Variants in MEGF6 observed in about 807,000 individuals in gnomAD.
MEGF6 encodes the protein multiple epidermal growth factor-like domains protein 6.
A neutral mutation model predicts 207.1 loss-of-function variants in MEGF6; 184 were observed. The observed-to-expected ratio is 0.89, with a 90% CI of 0.79 to 1.00. The LOEUF (loss-of-function observed/expected upper bound fraction) is 1.00, where lower values mean the gene tolerates loss of function less well. Ranked by LOEUF, MEGF6 falls within the 50% of genes least tolerant of loss-of-function variation. MEGF6 has a pLI of 0.00. For missense variants in MEGF6, 2,282 were observed against 2,202.9 expected (o/e 1.04, Z -0.72); for synonymous variants, 1,038 against 910.0 (o/e 1.14, Z -2.53).
chr1:3,582,846 C>T (rs993896087), intron 3 of MEGF6, among the ~76,000 whole-genome samples: 1 of 152,192 alleles, frequency 6.6e-6, no homozygotes, highest in Non-Finnish European at 1.5e-5. Flanking sequence ...CCGCTCTTGC[C>T]CCCTCTAGTG....
chr1:3,601,307 T>A (rs888706322), intron 2 of MEGF6, among the ~76,000 whole-genome samples: 1 of 152,226 alleles, frequency 6.6e-6, no homozygotes, highest in Non-Finnish European at 1.5e-5. Context: ...TGCAAACAAA[T>A]TCCCGCAGGG....
chr1:3,492,665 C>T lies in MEGF6; in HGVS notation c.4490G>A (p.Gly1497Asp), dbSNP rs755100915. 6.8e-6 allele frequency: 11 copies of T among 1,612,418 alleles called. No individual in the cohort carries two copies. Among genetic ancestry groups the T allele is most frequent in the Non-Finnish European group, 7.6e-6 (9 of 1,179,676 alleles). ...TTCCCGGCACGTGGGCCCCATGTAG[C>T]CATCCACACAGTGACACTGCCCACT... is the stretch of plus-strand genomic sequence containing the variant. Reference protein sequence around the residue: ...PVSGQCHCVDGYMGPTCREGG... With the variant: ...PVSGQCHCVDDYMGPTCREGG... The change falls in exon 35 of 37, where the codon GGC (glycine) becomes GAC (aspartate). Residue 1497 changes from glycine (G) to aspartate (D), a missense_variant. Coordinates refer to ENST00000356575, the MANE Select transcript of MEGF6 (RefSeq NM_001409.4).
intron 4 of MEGF6, among the ~76,000 whole-genome samples, chr1:3,548,237 G>A (rs531235191): frequency 2.0e-5 from 3 of 152,328 alleles, no homozygotes; most frequent in South Asian, 4.1e-4. Flanking sequence ...GGAACACAGC[G>A]CGGGCCTTTC....
chr1:3,541,930 G>A (rs1003057813), intron 4 of MEGF6, among the ~76,000 whole-genome samples: 45 of 152,278 alleles, frequency 3.0e-4, no homozygotes, highest in Middle Eastern at 3.4e-3. Flanking sequence ...GCCCACCCGC[G>A]TCCCACAGAC....
intron 3 of MEGF6, among the ~76,000 whole-genome samples, chr1:3,593,416 G>A (rs1032292594): frequency 5.3e-5 from 8 of 151,220 alleles, no homozygotes; most frequent in South Asian, 2.1e-4. Context: ...TGCCTTCCCC[G>A]CCCGGGCTCT....
chr1:3,600,089 T>C (rs1326262017), intron 2 of MEGF6, among the ~76,000 whole-genome samples: 2 of 152,102 alleles, frequency 1.3e-5, no homozygotes, highest in Non-Finnish European at 2.9e-5. Flanking sequence ...TGCCCCGGCC[T>C]GGGCTGCAGC....
upstream of MEGF6, among the ~76,000 whole-genome samples, chr1:3,612,545 G>A (rs1354680625): frequency 2.0e-5 from 3 of 152,176 alleles, no homozygotes; most frequent in African/African-American, 4.8e-5. Flanking sequence ...GGGTGAGACC[G>A]GATGGGGGCC....
rs2821040 is a variant in MEGF6, at chr1:3,490,227, A to G, written c.*301T>C. Reference sequence around the variant, plus strand: ...TGGCGCCCACACCTGTCCTCAGTCCAACTCAGAGCCGCGGGGAGAGCGGGA... The same window carrying G: ...TGGCGCCCACACCTGTCCTCAGTCCGACTCAGAGCCGCGGGGAGAGCGGGA... On this transcript the variant is annotated 3_prime_UTR_variant, in exon 37 of 37. Coordinates refer to ENST00000356575, the MANE Select transcript of MEGF6 (RefSeq NM_001409.4). 81,748 of 471,200 alleles carry G rather than the reference A, an allele frequency of 0.17. 16,579 individuals are homozygous for G. The highest frequency in any genetic ancestry group is 0.74 in the African/African-American group (35,644 of 48,388). The allele number at this position is 471,200 out of a possible 1,614,324, so 29.2% of individuals were successfully genotyped here. A position where few individuals can be genotyped will look rare whatever the true frequency, so the allele number is the denominator to read the frequency against.
rs555475475 is a variant in MEGF6, at chr1:3,560,693, G to C, written c.481+19132C>G. Reference sequence around the variant, plus strand: ...GTGCCATCAACCCCTCCCCATCTGTGGTTTCCAGGGCAACCCTGGAAACCA... The same window carrying C: ...GTGCCATCAACCCCTCCCCATCTGTCGTTTCCAGGGCAACCCTGGAAACCA... On this transcript the variant is annotated intron_variant, in intron 4 of 36. Transcript: ENST00000356575. This position sits in a 1 kb window ranked among gnomAD's most constrained non-coding sequence, Gnocchi z 4.0. The C allele has an allele frequency of 2.2e-6, 1 of 455,748 alleles. No homozygotes were observed. Among genetic ancestry groups the C allele is most frequent in the African/African-American group, 2.0e-5 (1 of 49,276 alleles). The allele number at this position is 455,748 out of a possible 1,614,324, so 28.2% of individuals were successfully genotyped here. A position where few individuals can be genotyped will look rare whatever the true frequency, so the allele number is the denominator to read the frequency against.
intron 2 of MEGF6, among the ~76,000 whole-genome samples, chr1:3,595,975 G>T (rs111302158): frequency 6.6e-6 from 1 of 152,064 alleles, no homozygotes; most frequent in Non-Finnish European, 1.5e-5. Flanking sequence ...TGAAGCAGAC[G>T]GCCCCAGTAG....
intron 7 of MEGF6, among the ~76,000 whole-genome samples, chr1:3,512,386 C>G (rs1472876646): frequency 6.6e-6 from 1 of 152,264 alleles, no homozygotes; most frequent in African/African-American, 2.4e-5. Context: ...GCAGCACTTT[C>G]CTGGTGTCAG....
At chr1:3,563,510 G>C (rs1275785765) in intron 4 of MEGF6, among the ~76,000 whole-genome samples, 1 of 152,238 alleles carries the variant, frequency 6.6e-6, no homozygotes, top group Non-Finnish European at 1.5e-5. Flanking sequence ...GGCCATGCCT[G>C]CTCGGCCACC....
chr1:3,502,800 G>A (rs1424374518), intron 17 of MEGF6, among the ~76,000 whole-genome samples: 1 of 152,168 alleles, frequency 6.6e-6, no homozygotes, highest in Non-Finnish European at 1.5e-5. Flanking sequence ...TCCCACGCCT[G>A]CCCTGACCTT....
chr1:3,533,826 C>A (rs974876671), intron 4 of MEGF6, among the ~76,000 whole-genome samples: 3 of 152,224 alleles, frequency 2.0e-5, no homozygotes, highest in African/African-American at 7.2e-5. Context: ...TCCATCAGCA[C>A]CCCATCTGGG....
intron 3 of MEGF6, among the ~76,000 whole-genome samples, chr1:3,588,556 G>GCAGGAGGGGA (rs1232755176): frequency 7.0e-6 from 1 of 143,052 alleles, no homozygotes; most frequent in Non-Finnish European, 1.5e-5. Flanking sequence ...GCAGGAGGGG[G>GCAGGAGGGGA]CAGGAGGGGA....
intron 4 of MEGF6, among the ~76,000 whole-genome samples, chr1:3,574,574 G>A (rs1268637561): frequency 2.0e-5 from 3 of 148,438 alleles, no homozygotes; most frequent in Non-Finnish European, 4.5e-5. Context: ...CCTTTGACTG[G>A]TGCCGGGGGT....
At chr1:3,559,330 C>T (rs1167875261) in intron 4 of MEGF6, among the ~76,000 whole-genome samples, 1 of 152,124 alleles carries the variant, frequency 6.6e-6, no homozygotes, top group Admixed American at 6.6e-5. Flanking sequence ...AGCTTCCTCA[C>T]ACCACTAGGA....
At chr1:3,572,379 T>C (rs1376337341) in intron 4 of MEGF6, among the ~76,000 whole-genome samples, 2 of 96,372 alleles carry the variant, frequency 2.1e-5, no homozygotes, top group Non-Finnish European at 4.0e-5. Flanking sequence ...TGTGCTGGGT[T>C]CTCTCAGGTG....
chr1:3,526,840 C>T (rs148865921), intron 4 of MEGF6, among the ~76,000 whole-genome samples: 2 of 152,292 alleles, frequency 1.3e-5, no homozygotes, highest in African/African-American at 4.8e-5. Flanking sequence ...AGCTATGAGC[C>T]GAGCATCTGG....
Sources: gnomAD v4.1 joint callset for allele counts (sites outside exome capture counted in the v4.1 genomes callset) on GRCh38, gnomAD v4.1.1 for gene constraint, Gnocchi (gnomAD v3.1) non-coding constraint, MANE v1.5 for transcripts, NCBI Gene and HGNC (gene_info 2026-07-23, HGNC 2026-07-21) for gene names.